Variants in ISLR2 observed in about 807,000 individuals in gnomAD.
The protein encoded by ISLR2 is immunoglobulin superfamily containing leucine-rich repeat protein 2.
A neutral mutation model predicts 25.5 loss-of-function variants in ISLR2; 16 were observed. That is an observed-to-expected ratio of 0.63 (90% CI 0.43 to 0.95). ISLR2 has a LOEUF of 0.95. Ranked by LOEUF, ISLR2 falls within the 40% of genes least tolerant of loss-of-function variation. The pLI is 0.00. For missense variants in ISLR2, 883 were observed against 1,030.7 expected, an observed-to-expected ratio of 0.86 and a Z score of 1.96; for synonymous variants, 508 against 486.6, an observed-to-expected ratio of 1.04 and a Z score of -0.58.
At chr15:74,111,590 CTATT>C (rs1248615452) in intron 2 of ISLR2, among the ~76,000 whole-genome samples, 8 of 145,292 alleles carry the variant, frequency 5.5e-5, no homozygotes, top group African/African-American at 7.6e-5. Context: ...TGCCAGGCCT[CTATT>C]CATTCATTCA....
At chr15:74,108,106 C>G (rs940053907) in intron 2 of ISLR2, among the ~76,000 whole-genome samples, 1 of 152,116 alleles carries the variant, frequency 6.6e-6, no homozygotes, top group East Asian at 1.9e-4. Flanking sequence ...CAGGGAGGGG[C>G]GGGGTCAGCC....
chr15:74,128,388 G>A (rs892137940), upstream of ISLR2: 2 of 441,892 alleles, frequency 4.5e-6, no homozygotes, highest in African/African-American at 4.1e-5. Flanking sequence ...CCGGGCCCGC[G>A]GGAGTCAGCT....
Position 74,134,450 on chromosome 15 carries a change from G to C in ISLR2, c.1696G>C (p.Val566Leu). 1 of 1,612,772 alleles carries C rather than the reference G, an allele frequency of 6.2e-7. No homozygotes were observed. The highest frequency in any genetic ancestry group is 8.5e-7 in the Non-Finnish European group (1 of 1,179,920). ...CCTGCGGCCGGGTACCAACTACTCC[G>C]TGTGCCTGGCGCTGGCGGGCGAAGC... is the stretch of plus-strand genomic sequence containing the variant. ...RGLRPGTNYSVCLALAGEACH... is the reference protein window; with the variant it reads ...RGLRPGTNYSLCLALAGEACH... The change falls in exon 3 of 3, where the codon GTG (valine) becomes CTG (leucine). Residue 566 changes from valine to leucine, a missense_variant. Val to Leu is a conservative substitution (Grantham distance 32). This residue lies in a region of ISLR2 where 612 missense variants were observed against 642.8 expected (regional missense o/e 0.95). Coordinates refer to ENST00000453268, the MANE Select transcript of ISLR2 (RefSeq NM_020851.3).
At chr15:74,129,197 A>G, upstream of ISLR2, 1 of 378,524 alleles carries the variant, frequency 2.6e-6, no homozygotes. The surrounding 1 kb of genome is among the most constrained non-coding windows in gnomAD (Gnocchi z 4.5). Flanking sequence ...GGCCGCCCGT[A>G]GCGACGGCAG....
chr15:74,115,295 T>C (rs1396484558), intron 2 of ISLR2, among the ~76,000 whole-genome samples: 1 of 152,168 alleles, frequency 6.6e-6, no homozygotes, highest in East Asian at 1.9e-4. Flanking sequence ...TCCAACTTAT[T>C]TAAAGTAACT....
In ISLR2 at chr15:74,122,313, G is replaced by C. The variant is rs145212412; in HGVS notation, n.229-8894G>C. Among the ~76,000 whole-genome samples the C allele has an allele frequency of 3.9e-5, 6 of 152,350 alleles. No homozygotes were observed. In the East Asian group the frequency reaches 9.6e-4, roughly 24 times the overall value. On this transcript the variant is annotated intron_variant and non_coding_transcript_variant, in intron 2 of 3. Coordinates refer to the ISLR2 transcript ENST00000561975. ...GGCTGTCATTGCATCTCCCTAAGGTGGGTGCAGACTTCACAGAGTCTTTCC... is the reference window on the plus strand; with the variant it reads ...GGCTGTCATTGCATCTCCCTAAGGTCGGTGCAGACTTCACAGAGTCTTTCC...
chr15:74,135,137 G>A lies in ISLR2; in HGVS notation c.*145G>A. 8 of 1,010,216 alleles carry A rather than the reference G, an allele frequency of 7.9e-6. No individual in the cohort carries two copies. The South Asian group carries it at 1.3e-4, about 17-fold the overall frequency. The allele number at this position is 1,010,216 out of a possible 1,614,324, so 62.6% of individuals were successfully genotyped here. ...CTACTCCCCAACCTTGACTACCAGG[G>A]ACTTCTATTAGGGAGTGGGCCGATT... On this transcript the variant is annotated 3_prime_UTR_variant, in exon 3 of 3. Coordinates refer to ENST00000453268, the MANE Select transcript of ISLR2 (RefSeq NM_020851.3).
Position 74,133,180 on chromosome 15 carries a change from A to G in ISLR2, c.426A>G (p.Ala142=), listed in dbSNP as rs1213524691. ...GCCTGGGCTCTCTGCCCCGGGACGC[A>G]CTCGGTGCGCTACCCGACCTGCGTT... ...HNRLGSLPRD[A]LGALPDLRSL... The change falls in exon 3 of 3, where the codon GCA becomes GCG. Residue 142 remains alanine (A), a synonymous_variant. Coordinates refer to ENST00000453268, the MANE Select transcript of ISLR2 (RefSeq NM_020851.3). 2 of 1,613,132 alleles carry G rather than the reference A, an allele frequency of 1.2e-6. No homozygotes were observed. The highest frequency in any genetic ancestry group is 2.2e-5 in the South Asian group (2 of 91,084).
upstream of ISLR2, chr15:74,128,586 C>T: frequency 2.2e-6 from 1 of 456,678 alleles, no homozygotes; most frequent in Non-Finnish European, 4.4e-6. Flanking sequence ...GGGCAGATAG[C>T]GAGCCCATTC....
upstream of ISLR2, chr15:74,125,973 C>G (rs146011113): frequency 1.2e-3 from 189 of 152,344 alleles, 1 homozygote; most frequent in African/African-American, 4.3e-3. Context: ...TTGCGGGTCT[C>G]TCTTTGCAAA....
chr15:74,121,643 T>C (rs1336405943), intron 2 of ISLR2, among the ~76,000 whole-genome samples: 3 of 152,078 alleles, frequency 2.0e-5, no homozygotes, highest in African/African-American at 7.2e-5. Context: ...TCACAGGAAG[T>C]CAGTGAAGAG....
chr15:74,110,267 G>T (rs2072155432), intron 2 of ISLR2, among the ~76,000 whole-genome samples: 2 of 152,078 alleles, frequency 1.3e-5, no homozygotes, highest in African/African-American at 4.8e-5. Flanking sequence ...ATCGCTGGTG[G>T]GAATATAAAA....
In ISLR2 at chr15:74,133,781, C is replaced by T; in HGVS notation, c.1027C>T (p.Pro343Ser). The T allele has an allele frequency of 3.1e-6, 5 of 1,613,872 alleles. No homozygotes were observed. Among genetic ancestry groups the T allele is most frequent in the Non-Finnish European group, 3.4e-6 (4 of 1,179,882 alleles). The change falls in exon 3 of 3, where the codon CCC becomes TCC. Residue 343 changes from proline to serine, a missense_variant. By Grantham distance (74) the Pro-to-Ser change is moderately conservative. This residue lies in a region of ISLR2 where 612 missense variants were observed against 642.8 expected (regional missense o/e 0.95). Transcript: ENST00000453268. The stretch of plus-strand genomic sequence containing the variant: ...CCTCGCAAATGGCTCCCTGTTGGTG[C>T]CCCTCCTGAGTGCCAAGGAGGCGGG... ...LALANGSLLV[P>S]LLSAKEAGVY...
chr15:74,129,026 A>C (rs771998038), upstream of ISLR2: 4 of 456,704 alleles, frequency 8.8e-6, no homozygotes, highest in South Asian at 6.2e-5. The surrounding 1 kb of genome is among the most constrained non-coding windows in gnomAD (Gnocchi z 4.5). Context: ...GACGGGTCAC[A>C]GTGCTCTCAC....
At chr15:74,130,132 T>G (rs2072373906), upstream of ISLR2, 2 of 134,872 alleles carry the variant, frequency 1.5e-5, no homozygotes, top group Non-Finnish European at 3.1e-5. Flanking sequence ...TGCGGTGGGC[T>G]GGGGAGGGGG....
chr15:74,111,754 T>A, intron 2 of ISLR2, among the ~76,000 whole-genome samples: 1 of 152,208 alleles, frequency 6.6e-6, no homozygotes, highest in East Asian at 1.9e-4. Context: ...CATTTTATAA[T>A]GTTCTTGAAG....
At chr15:74,103,603 G>C (rs1415865556) in intron 1 of ISLR2, among the ~76,000 whole-genome samples, 2 of 127,680 alleles carry the variant, frequency 1.6e-5, no homozygotes, top group Non-Finnish European at 3.2e-5. Context: ...GCCAGAGCCA[G>C]AGTGAGACTC....
intron 2 of ISLR2, among the ~76,000 whole-genome samples, chr15:74,104,552 T>C (rs1289476375): frequency 1.3e-5 from 2 of 152,086 alleles, no homozygotes; most frequent in African/African-American, 2.4e-5. Flanking sequence ...TGAGGTCACA[T>C]TGGGAGGATC....
Position 74,134,127 on chromosome 15 carries a change from G to A in ISLR2, c.1373G>A (p.Arg458His). The change falls in exon 3 of 3, where the codon CGC becomes CAC. Residue 458 changes from arginine (R) to histidine (H), a missense_variant. By Grantham distance (29) the Arg-to-His change is conservative. Transcript: ENST00000453268. ...CTCGCGGACCCGGCGGAGGAGCAGC[G>A]CTGTGGCAACGGGGACCCCTCTCGG... ...QILADPAEEQRCGNGDPSRYV... is the reference protein window; with the variant it reads ...QILADPAEEQHCGNGDPSRYV... The A allele has an allele frequency of 6.2e-7, 1 of 1,613,616 alleles. No individual in the cohort carries two copies. The highest frequency in any genetic ancestry group is 8.5e-7 in the Non-Finnish European group (1 of 1,179,874).
Sources: gnomAD v4.1 joint callset for allele counts (sites outside exome capture counted in the v4.1 genomes callset) on GRCh38, gnomAD v4.1.1 for gene constraint, gnomAD v4.1.1 regional missense constraint, Gnocchi (gnomAD v3.1) non-coding constraint, MANE v1.5 for transcripts, NCBI Gene and HGNC (gene_info 2026-07-23, HGNC 2026-07-21) for gene names.